Variants in OPCML observed in about 807,000 individuals in gnomAD.
OPCML encodes opioid binding protein/cell adhesion molecule like, also known as opioid-binding protein/cell adhesion molecule.
OPCML carries 13 observed loss-of-function variants against 37.8 expected under a neutral mutation model. That is an observed-to-expected ratio of 0.34 (90% CI 0.22 to 0.55). The LOEUF is 0.55. Ranked by LOEUF, OPCML falls within the 20% of genes least tolerant of loss-of-function variation. The pLI is 0.91. For synonymous variants in OPCML, 176 were observed against 168.8 expected, an observed-to-expected ratio of 1.04 and a Z score of -0.33; for missense variants, 341 against 435.6, an observed-to-expected ratio of 0.78 and a Z score of 1.93.
chr11:132,600,772 A>C (rs1937817049), intron 3 of OPCML, among the ~76,000 whole-genome samples: 1 of 151,642 alleles, frequency 6.6e-6, no homozygotes, highest in Non-Finnish European at 1.5e-5. Context: ...ATATTTCATA[A>C]TTTTGAGTGA....
intron 1 of OPCML, among the ~76,000 whole-genome samples, chr11:133,438,741 A>G (rs1941218): frequency 0.19 from 28,875 of 152,098 alleles, 2,889 homozygotes; most frequent in African/African-American, 0.24. Context: ...GCCGGTTGCA[A>G]CTTTAAGCCC....
chr11:133,014,105 T>G (rs2136882776), intron 1 of OPCML, among the ~76,000 whole-genome samples: 1 of 152,338 alleles, frequency 6.6e-6, no homozygotes, highest in African/African-American at 2.4e-5. Flanking sequence ...CAAGCTTTAC[T>G]AACTGGCCTT....
At chr11:133,256,526 A>T (rs2136446037) in intron 1 of OPCML, among the ~76,000 whole-genome samples, 1 of 152,352 alleles carries the variant, frequency 6.6e-6, no homozygotes, top group African/African-American at 2.4e-5. Context: ...CTATGACAAT[A>T]ATTTATTTTA....
At chr11:132,584,585 T>C (rs1045410412) in intron 3 of OPCML, among the ~76,000 whole-genome samples, 1 of 152,214 alleles carries the variant, frequency 6.6e-6, no homozygotes, top group Non-Finnish European at 1.5e-5. Flanking sequence ...TGTTTATGTA[T>C]GTGTGCTGCT....
intron 1 of OPCML, among the ~76,000 whole-genome samples, chr11:133,127,952 A>C (rs1359017110): frequency 6.6e-6 from 1 of 152,018 alleles, no homozygotes; most frequent in Admixed American, 6.6e-5. Flanking sequence ...TGTTCCGCAT[A>C]TGGAAGACAA....
At chr11:132,883,609 T>C (rs1239825052) in intron 2 of OPCML, among the ~76,000 whole-genome samples, 1 of 152,124 alleles carries the variant, frequency 6.6e-6, no homozygotes, top group East Asian at 1.9e-4. Context: ...ACTGTTAGCG[T>C]TTTGAGACTG....
intron 1 of OPCML, among the ~76,000 whole-genome samples, chr11:133,364,139 C>T (rs1254923537): frequency 1.3e-5 from 2 of 152,184 alleles, no homozygotes; most frequent in Non-Finnish European, 2.9e-5. Context: ...CAGTGGCTAC[C>T]TCTGTTTGTA....
intron 1 of OPCML, among the ~76,000 whole-genome samples, chr11:133,517,848 G>A (rs78678449): frequency 0.016 from 2,496 of 152,306 alleles, 72 homozygotes; most frequent in African/African-American, 0.056. Context: ...GGGGGTACTC[G>A]TGACCACTGT....
intron 3 of OPCML, among the ~76,000 whole-genome samples, chr11:132,624,796 A>C (rs1240958947): frequency 6.6e-6 from 1 of 152,010 alleles, no homozygotes; most frequent in Non-Finnish European, 1.5e-5. Context: ...ACAAATCCTC[A>C]TACTCACTCC....
At chr11:132,782,263 C>G (rs1451904861) in intron 2 of OPCML, among the ~76,000 whole-genome samples, 1 of 151,284 alleles carries the variant, frequency 6.6e-6, no homozygotes, top group Non-Finnish European at 1.5e-5. Flanking sequence ...AGCCATCCCT[C>G]CTGTTGCCAG....
At chr11:132,819,928 C>G (rs977860606) in intron 2 of OPCML, among the ~76,000 whole-genome samples, 1 of 152,138 alleles carries the variant, frequency 6.6e-6, no homozygotes, top group African/African-American at 2.4e-5. Context: ...AATGATGTGC[C>G]TTCTCCCCCA....
intron 1 of OPCML, among the ~76,000 whole-genome samples, chr11:133,172,763 A>G (rs1367862): frequency 0.44 from 67,174 of 152,074 alleles, 15,305 homozygotes; most frequent in South Asian, 0.55. Flanking sequence ...AAAACAATAT[A>G]TAATTCTAAA....
intron 2 of OPCML, among the ~76,000 whole-genome samples, chr11:132,822,236 C>T (rs1940037576): frequency 6.6e-6 from 1 of 152,066 alleles, no homozygotes; most frequent in Non-Finnish European, 1.5e-5. Flanking sequence ...CCTCCATGAT[C>T]GTATAGGCCC....
At chr11:132,797,832 T>C (rs1007115223) in intron 2 of OPCML, among the ~76,000 whole-genome samples, 1 of 152,204 alleles carries the variant, frequency 6.6e-6, no homozygotes, top group African/African-American at 2.4e-5. Flanking sequence ...TGAAGAGTCT[T>C]TCATGATGTT....
intron 1 of OPCML, among the ~76,000 whole-genome samples, chr11:133,472,633 A>T (rs1370471779): frequency 6.6e-6 from 1 of 151,762 alleles, no homozygotes; most frequent in African/African-American, 2.4e-5. Flanking sequence ...GAATGCTGAG[A>T]CTGCCAGCAG....
At chr11:132,471,695 C>A (rs1480427713) in intron 4 of OPCML, among the ~76,000 whole-genome samples, 5 of 152,206 alleles carry the variant, frequency 3.3e-5, no homozygotes, top group Non-Finnish European at 7.4e-5. Context: ...CAAGGCCATG[C>A]ATTCCAGGAG....
intron 1 of OPCML, among the ~76,000 whole-genome samples, chr11:133,379,770 C>A (rs890778294): frequency 6.6e-6 from 1 of 152,168 alleles, no homozygotes; most frequent in African/African-American, 2.4e-5. Flanking sequence ...CGTATAATGG[C>A]TATTGTTGGA....
At chr11:132,815,250 T>G (rs192649872) in intron 2 of OPCML, among the ~76,000 whole-genome samples, 120 of 152,330 alleles carry the variant, frequency 7.9e-4, no homozygotes, top group Non-Finnish European at 1.3e-3. Context: ...ACCTGGACTT[T>G]TAAGTCTTGC....
chr11:133,221,930 A>G (rs1428797365), intron 1 of OPCML, among the ~76,000 whole-genome samples: 1 of 152,184 alleles, frequency 6.6e-6, no homozygotes, highest in Non-Finnish European at 1.5e-5. Context: ...TCTTCTGAAG[A>G]TGTCTTATGT....
Sources: allele counts gnomAD v4.1 joint callset (sites outside exome capture counted in the v4.1 genomes callset), GRCh38; gene constraint gnomAD v4.1.1; transcripts MANE v1.5; gene names NCBI Gene and HGNC (gene_info 2026-07-23, HGNC 2026-07-21).